Variants in TGFA observed in about 807,000 individuals in gnomAD.
TGFA encodes protransforming growth factor alpha.
A neutral mutation model predicts 21.7 loss-of-function variants in TGFA; 12 were observed. The ratio of observed to expected loss-of-function variants is 0.55; its 90% CI spans 0.35 to 0.90. The LOEUF is 0.90. Ranked by LOEUF, TGFA falls within the 40% of genes least tolerant of loss-of-function variation. The probability of loss-of-function intolerance (pLI) is 0.01; values close to 1 mark genes in which losing one functional copy is unlikely to be tolerated. For missense variants in TGFA, 178 were observed against 210.8 expected (o/e 0.84, Z 0.96); for synonymous variants, 79 against 88.1 (o/e 0.90, Z 0.58).
At chr2:70,515,644 C>T (rs1672250123) in intron 1 of TGFA, among the ~76,000 whole-genome samples, 1 of 152,166 alleles carries the variant, frequency 6.6e-6, no homozygotes. Context: ...GGGAGTCAAG[C>T]AGCTCACCCC....
At chr2:70,525,563 A>G (rs1672607342) in intron 1 of TGFA, among the ~76,000 whole-genome samples, 1 of 152,206 alleles carries the variant, frequency 6.6e-6, no homozygotes, top group Non-Finnish European at 1.5e-5. Context: ...CCCACATCAC[A>G]CTGCAAACTG....
chr2:70,485,545 T>G (rs1300308099), intron 2 of TGFA, among the ~76,000 whole-genome samples: 1 of 152,148 alleles, frequency 6.6e-6, no homozygotes, highest in African/African-American at 2.4e-5. Context: ...AGAAAATAAA[T>G]CCAGGATCAC....
rs564401757 is a variant in TGFA, at chr2:70,491,701, T to C, written c.94+23158A>G. Among the ~76,000 whole-genome samples the C allele has an allele frequency of 1.1e-4, 16 of 152,292 alleles. No homozygotes were observed. In the Middle Eastern group the frequency reaches 0.014, roughly 130 times the overall value. ...TGACTGTTGGCACTGCCTTTATTCT[T>C]TGAAGGGCTCTTCCTTTATGAGCAA... On this transcript the variant is annotated intron_variant, in intron 2 of 5. Transcript: ENST00000295400.
chr2:70,499,350 G>C (rs1220499655), intron 2 of TGFA, among the ~76,000 whole-genome samples: 15 of 152,234 alleles, frequency 9.9e-5, no homozygotes, highest in African/African-American at 3.6e-4. Flanking sequence ...GATCCCACTT[G>C]CTGATATGGA....
At chr2:70,501,457 C>T (rs1205317184) in intron 2 of TGFA, among the ~76,000 whole-genome samples, 1 of 151,926 alleles carries the variant, frequency 6.6e-6, no homozygotes, top group Non-Finnish European at 1.5e-5. Flanking sequence ...TCTCTGATGC[C>T]CAGTACAGCC....
In TGFA at chr2:70,462,486, C is replaced by T. The variant is rs191406230; in HGVS notation, c.215+3130G>A. 2.5e-3 allele frequency among the ~76,000 whole-genome samples: 382 copies of T among 152,178 alleles called. 2 individuals carry two copies. The highest frequency in any genetic ancestry group is 8.9e-3 in the African/African-American group (370 of 41,514). ...CCAGGGACCAGTGTCATGTTGCTGT[C>T]GGGAATTTTGGGGAGAGGTGGAGAA... On this transcript the variant is annotated intron_variant, in intron 3 of 5. Coordinates refer to ENST00000295400, the MANE Select transcript of TGFA (RefSeq NM_003236.4).
In TGFA at chr2:70,504,483, TACACAC is replaced by T. The variant is rs58997765; in HGVS notation, c.94+10370_94+10375del. On this transcript the variant is annotated intron_variant, in intron 2 of 5. Transcript: ENST00000295400. ...ATATATACACACATACATACATACA[TACACAC>T]ACACACACACACACACACACACACA... 1.4e-3 allele frequency among the ~76,000 whole-genome samples: 133 copies of T among 92,064 alleles called. 3 individuals are homozygous for T. The highest frequency in any genetic ancestry group is 4.8e-3 in the East Asian group (16 of 3,312). 60.4% of individuals were successfully genotyped at this position (92,064 alleles called of 152,430 possible).
intron 2 of TGFA, among the ~76,000 whole-genome samples, chr2:70,490,346 C>A (rs1553497362): frequency 2.0e-5 from 3 of 152,164 alleles, no homozygotes; most frequent in Non-Finnish European, 2.9e-5. Flanking sequence ...TTCTTTCCAC[C>A]TTGTGACTAA....
At chr2:70,551,761 G>A (rs1673518163) in intron 1 of TGFA, among the ~76,000 whole-genome samples, 1 of 151,824 alleles carries the variant, frequency 6.6e-6, no homozygotes, top group Admixed American at 6.6e-5. Flanking sequence ...GTGTGAGCAA[G>A]TTTTTACATA....
chr2:70,500,180 A>G (rs936038459), intron 2 of TGFA, among the ~76,000 whole-genome samples: 1 of 152,200 alleles, frequency 6.6e-6, no homozygotes, highest in African/African-American at 2.4e-5. Context: ...ATATTGGACG[A>G]TGCAGTTCTA....
chr2:70,453,278 G>T lies in TGFA; in HGVS notation c.415C>A (p.Arg139=). The change falls in exon 5 of 6, where the codon CGG becomes AGG. Residue 139 remains arginine (R), a synonymous_variant. Transcript: ENST00000295400. The stretch of plus-strand genomic sequence containing the variant: ...AGGAGGGCGCTGGGCTTCTCGTGCC[G>T]GCAGATGAGGGCCCGGCACCACTCA... ...HCEWCRALIC[R]HEKPSALLKG... 1.2e-6 allele frequency: 2 copies of T among 1,614,032 alleles called. No individual in the cohort carries two copies. Among genetic ancestry groups the T allele is most frequent in the Non-Finnish European group, 1.7e-6 (2 of 1,179,936 alleles).
intron 1 of TGFA, among the ~76,000 whole-genome samples, chr2:70,521,916 T>G (rs1418114376): frequency 6.6e-6 from 1 of 152,138 alleles, no homozygotes; most frequent in Non-Finnish European, 1.5e-5. Context: ...CCGAACCTAT[T>G]GACAGTTTTC....
chr2:70,490,080 C>T (rs1671384989), intron 2 of TGFA, among the ~76,000 whole-genome samples: 1 of 152,040 alleles, frequency 6.6e-6, no homozygotes, highest in East Asian at 1.9e-4. Context: ...TAACATATAG[C>T]AAAGTTTGAG....
intron 2 of TGFA, among the ~76,000 whole-genome samples, chr2:70,506,857 C>T (rs1224221448): frequency 1.3e-5 from 2 of 152,210 alleles, no homozygotes; most frequent in African/African-American, 4.8e-5. Flanking sequence ...ATTTGAGAGA[C>T]TGACCATAGA....
intron 1 of TGFA, among the ~76,000 whole-genome samples, chr2:70,543,525 CA>C (rs10580951): frequency 0.01 from 1,211 of 117,922 alleles, 4 homozygotes; most frequent in African/African-American, 0.016. Context: ...GACTCTGTCT[CA>C]AAAAAAAAAA....
chr2:70,528,311 T>C (rs1553503193), intron 1 of TGFA, among the ~76,000 whole-genome samples: 1 of 152,238 alleles, frequency 6.6e-6, no homozygotes. Flanking sequence ...TAGTAGCATG[T>C]ATTCACAGTG....
chr2:70,451,818 C>G lies in TGFA; in HGVS notation c.476-952G>C, dbSNP rs374097398. 49 of 680,228 alleles carry G rather than the reference C, an allele frequency of 7.2e-5. No individual in the cohort carries two copies. In the African/African-American group the frequency reaches 7.2e-4, roughly 10 times the overall value. The allele number at this position is 680,228 out of a possible 1,614,324, so 42.1% of individuals were successfully genotyped here. A position where few individuals can be genotyped will look rare whatever the true frequency, so the allele number is the denominator to read the frequency against. On this transcript the variant is annotated intron_variant, in intron 5 of 5. Coordinates refer to ENST00000295400, the MANE Select transcript of TGFA (RefSeq NM_003236.4). ...GCCCTGGTTCTCATCCTCACTCCCC[C>G]ACTGATTCCCAGTGGGACCCAAGCA...
chr2:70,475,561 G>T (rs1441536749), intron 2 of TGFA, among the ~76,000 whole-genome samples: 1 of 152,066 alleles, frequency 6.6e-6, no homozygotes, highest in Non-Finnish European at 1.5e-5. Flanking sequence ...GAGTTAAGAA[G>T]TCCTTATGGG....
At chr2:70,540,493 C>T (rs1673103275) in intron 1 of TGFA, among the ~76,000 whole-genome samples, 1 of 152,090 alleles carries the variant, frequency 6.6e-6, no homozygotes, top group Non-Finnish European at 1.5e-5. Context: ...GACAAAAAGG[C>T]AAGTTAGATG....
Sources: gnomAD v4.1 joint callset for allele counts (sites outside exome capture counted in the v4.1 genomes callset) on GRCh38, gnomAD v4.1.1 for gene constraint, MANE v1.5 for transcripts, NCBI Gene and HGNC (gene_info 2026-07-23, HGNC 2026-07-21) for gene names.